The following RNF111 variants were observed in gnomAD, a reference collection of about 807,000 sequenced individuals.
RNF111 encodes E3 ubiquitin-protein ligase Arkadia.
In RNF111, 17 loss-of-function variants were observed where a neutral mutation model predicts 95.1. The observed-to-expected ratio is 0.18, with a 90% CI of 0.12 to 0.27. The LOEUF (loss-of-function observed/expected upper bound fraction) is 0.27, where lower values mean the gene tolerates loss of function less well. Ranked by LOEUF, RNF111 falls within the 10% of genes least tolerant of loss-of-function variation. RNF111 has a pLI of 1.00. For synonymous variants in RNF111, 440 were observed against 414.8 expected, an observed-to-expected ratio of 1.06 and a Z score of -0.74; for missense variants, 1,189 against 1,210.4, an observed-to-expected ratio of 0.98 and a Z score of 0.26.
At chr15:59,088,243 T>A (rs2078952740) in intron 10 of RNF111, among the ~76,000 whole-genome samples, 1 of 151,700 alleles carries the variant, frequency 6.6e-6, no homozygotes, top group Admixed American at 6.6e-5. Flanking sequence ...GTGATAAGGA[T>A]TGAGTTCGAA....
intron 1 of RNF111, among the ~76,000 whole-genome samples, chr15:59,017,723 T>C (rs537755332): frequency 6.6e-6 from 1 of 152,012 alleles, no homozygotes; most frequent in African/African-American, 2.4e-5. Flanking sequence ...GAGGTTTGTC[T>C]TCCAGGTTTG....
intron 1 of RNF111, among the ~76,000 whole-genome samples, chr15:59,007,949 C>G (rs1035732004): frequency 1.4e-4 from 21 of 152,208 alleles, no homozygotes; most frequent in Admixed American, 1.4e-3. Flanking sequence ...TTTAGCTTAC[C>G]AGCTTGTCCT....
At chr15:59,014,054 A>G (rs7175246) in intron 1 of RNF111, among the ~76,000 whole-genome samples, 65,121 of 152,024 alleles carry the variant, frequency 0.43, 14,472 homozygotes, top group African/African-American at 0.55. Flanking sequence ...GCCTCCCAAC[A>G]TGCTAGGATT....
intron 6 of RNF111, 105 bp from the exon 7 acceptor site, chr15:59,075,849 T>G (rs2043142500): frequency 8.0e-7 from 1 of 1,255,246 alleles, no homozygotes; most frequent in Non-Finnish European, 1.1e-6. Context: ...TTCAAACTAA[T>G]TTAAAGATTA....
chr15:59,060,997 G>A (rs565946428), intron 5 of RNF111, among the ~76,000 whole-genome samples: 27 of 151,882 alleles, frequency 1.8e-4, no homozygotes, highest in Non-Finnish European at 2.5e-4. Context: ...CCATGTTGCC[G>A]TGTTGCCCAC....
chr15:59,058,572 G>T, intron 5 of RNF111, 22 bp downstream of exon 5: 2 of 1,603,176 alleles, frequency 1.2e-6, no homozygotes, highest in Non-Finnish European at 1.7e-6. Flanking sequence ...AGTGGGGGAG[G>T]GGAGACTTTT....
intron 1 of RNF111, among the ~76,000 whole-genome samples, chr15:59,008,399 T>G (rs2039638390): frequency 6.6e-6 from 1 of 152,030 alleles, no homozygotes; most frequent in Admixed American, 6.6e-5. Flanking sequence ...AAAATTTTTT[T>G]GTAGAGACAG....
At chr15:59,015,080 C>T (rs544871388) in intron 1 of RNF111, among the ~76,000 whole-genome samples, 1 of 152,258 alleles carries the variant, frequency 6.6e-6, no homozygotes, top group African/African-American at 2.4e-5. Context: ...TTTTAAAATT[C>T]TGTAGTTTGG....
intron 1 of RNF111, among the ~76,000 whole-genome samples, chr15:59,007,916 A>G (rs905830774): frequency 6.6e-6 from 1 of 152,232 alleles, no homozygotes; most frequent in Admixed American, 6.5e-5. Context: ...ACACAAACAC[A>G]TGTATATATA....
Position 58,992,551 on chromosome 15 carries a change from C to T in RNF111, c.-20+4483C>T, listed in dbSNP as rs114412655. ...ATATTTTTTTGGCTGGGCCCAGTGGCTCATGCCTGTAATCATAGCACCTTG... is the reference window on the plus strand; with the variant it reads ...ATATTTTTTTGGCTGGGCCCAGTGGTTCATGCCTGTAATCATAGCACCTTG... On this transcript the variant is annotated intron_variant, in intron 1 of 13. Coordinates refer to ENST00000348370, the MANE Select transcript of RNF111 (RefSeq NM_017610.8). Among the ~76,000 whole-genome samples, 924 of 152,248 alleles carry T rather than the reference C, an allele frequency of 6.1e-3. 19 individuals are homozygous for T. Among genetic ancestry groups the T allele is most frequent in the African/African-American group, 0.021 (873 of 41,544 alleles).
At chr15:59,032,962 G>A (rs1397966278) in intron 2 of RNF111, among the ~76,000 whole-genome samples, 1 of 152,152 alleles carries the variant, frequency 6.6e-6, no homozygotes, top group Non-Finnish European at 1.5e-5. Flanking sequence ...AGACAGTCCT[G>A]AAATGTATGT....
intron 1 of RNF111, among the ~76,000 whole-genome samples, chr15:59,019,503 C>CT (rs1160920536): frequency 6.6e-6 from 1 of 152,074 alleles, no homozygotes; most frequent in Non-Finnish European, 1.5e-5. Context: ...CTAGGATTGT[C>CT]TGTTACATCC....
chr15:59,094,263 T>C (rs1191836786), intron 13 of RNF111, among the ~76,000 whole-genome samples: 1 of 152,192 alleles, frequency 6.6e-6, no homozygotes, highest in African/African-American at 2.4e-5. Flanking sequence ...AAAGATATTC[T>C]TGATAGAAAA....
At chr15:59,084,729 G>T (rs956133639) in intron 9 of RNF111, among the ~76,000 whole-genome samples, 6 of 152,052 alleles carry the variant, frequency 3.9e-5, no homozygotes, top group African/African-American at 1.4e-4. Flanking sequence ...CCCAGCTGAA[G>T]CTTTGTACCC....
chr15:59,042,783 G>A (rs1326295026), intron 2 of RNF111, among the ~76,000 whole-genome samples: 1 of 152,096 alleles, frequency 6.6e-6, no homozygotes, highest in African/African-American at 2.4e-5. Context: ...TTATTGCTCT[G>A]TCTGTCCATG....
In RNF111 at chr15:59,084,261, A is replaced by G. The variant is rs771464679; in HGVS notation, c.2423+7A>G. 7 of 1,568,340 alleles carry G rather than the reference A, an allele frequency of 4.5e-6. No homozygotes were observed. The highest frequency in any genetic ancestry group is 1.7e-4 in the Middle Eastern group (1 of 5,874). Reference sequence around the variant, plus strand: ...CTCCAGAGAGGTCTGCCTGGTCAGTATCTTCTTTAATTTCAAAACAGTGCT... The same window carrying G: ...CTCCAGAGAGGTCTGCCTGGTCAGTGTCTTCTTTAATTTCAAAACAGTGCT... On this transcript the variant is annotated splice_region_variant and intron_variant, in intron 9 of 13. Transcript: ENST00000348370.
chr15:59,044,132 G>A lies in RNF111; in HGVS notation c.881-8173G>A, dbSNP rs139687390. 4.4e-3 allele frequency among the ~76,000 whole-genome samples: 672 copies of A among 152,256 alleles called. 3 individuals carry two copies. The highest frequency in any genetic ancestry group is 7.9e-3 in the Non-Finnish European group (534 of 68,002). On this transcript the variant is annotated intron_variant, in intron 2 of 13. Coordinates refer to ENST00000348370, the MANE Select transcript of RNF111 (RefSeq NM_017610.8). The stretch of plus-strand genomic sequence containing the variant: ...TGCAACCCCCACCTCCCGGGTTCAA[G>A]CGATTCTCCTGCCTCAGCCTCATGA...
At chr15:59,078,819 A>T (rs1433933684) in intron 7 of RNF111, among the ~76,000 whole-genome samples, 1 of 151,626 alleles carries the variant, frequency 6.6e-6, no homozygotes, top group Admixed American at 6.6e-5. Flanking sequence ...AGATCACACC[A>T]CTGCACTCCA....
chr15:58,996,970 CTTTATA>C (rs1489483176), intron 1 of RNF111, among the ~76,000 whole-genome samples: 3 of 152,068 alleles, frequency 2.0e-5, no homozygotes, highest in African/African-American at 7.2e-5. Context: ...TAGTCTATAC[CTTTATA>C]TTTATAAGTA....
Sources: gnomAD v4.1 joint callset for allele counts (sites outside exome capture counted in the v4.1 genomes callset) on GRCh38, gnomAD v4.1.1 for gene constraint, MANE v1.5 for transcripts, NCBI Gene and HGNC (gene_info 2026-07-23, HGNC 2026-07-21) for gene names.